The following OTUD7A variants were observed in gnomAD, a reference collection of about 807,000 sequenced individuals.
OTUD7A encodes OTU deubiquitinase 7A, also known as OTU domain-containing protein 7A.
In OTUD7A, 12 loss-of-function variants were observed where a neutral mutation model predicts 65.7. The observed-to-expected ratio is 0.18, with a 90% confidence interval of 0.12 to 0.30. OTUD7A has a LOEUF of 0.30. OTUD7A is among the 10% of genes least tolerant of loss of function. The pLI is 1.00. For missense variants in OTUD7A, 1,148 were observed against 1,304.8 expected (o/e 0.88, Z 1.85); for synonymous variants, 641 against 586.3 (o/e 1.09, Z -1.35).
chr15:31,624,898 C>T, intron 3 of OTUD7A, among the ~76,000 whole-genome samples: 1 of 152,322 alleles, frequency 6.6e-6, no homozygotes, highest in East Asian at 1.9e-4. Flanking sequence ...GGTGGCCACC[C>T]TCCAAGATAG....
intron 1 of OTUD7A, among the ~76,000 whole-genome samples, chr15:31,702,625 T>TA (rs1566980193): frequency 6.6e-6 from 1 of 151,890 alleles, no homozygotes; most frequent in African/African-American, 2.4e-5. Flanking sequence ...TGTAGAAACA[T>TA]ACTGTGTCCA....
intron 3 of OTUD7A, among the ~76,000 whole-genome samples, chr15:31,621,332 C>T (rs1473290197): frequency 6.6e-6 from 1 of 152,150 alleles, no homozygotes; most frequent in Non-Finnish European, 1.5e-5. Context: ...AGTTAACTTT[C>T]TGTTTCGTTG....
chr15:31,551,707 C>T (rs538112844), intron 5 of OTUD7A, among the ~76,000 whole-genome samples: 1 of 152,308 alleles, frequency 6.6e-6, no homozygotes, highest in Non-Finnish European at 1.5e-5. Context: ...GGGATTCTTG[C>T]CCTAAATGTG....
At chr15:31,632,133 A>G (rs8036739) in intron 3 of OTUD7A, among the ~76,000 whole-genome samples, 91,253 of 152,050 alleles carry the variant, frequency 0.6, 29,342 homozygotes, top group East Asian at 0.92. Context: ...TGCTGGTGAG[A>G]AGGTGCGTTC....
At chr15:31,640,980 A>G (rs568803331) in intron 3 of OTUD7A, among the ~76,000 whole-genome samples, 1 of 152,266 alleles carries the variant, frequency 6.6e-6, no homozygotes, top group East Asian at 1.9e-4. Flanking sequence ...ATGAGTTTTA[A>G]TATCAGGTAT....
chr15:31,813,829 A>C (rs79972525), intron 1 of OTUD7A, among the ~76,000 whole-genome samples: 2,370 of 152,286 alleles, frequency 0.016, 65 homozygotes, highest in African/African-American at 0.054. Flanking sequence ...ATCCAGGCCC[A>C]ATTCCTGCCT....
chr15:31,754,808 T>C (rs1188919221), intron 1 of OTUD7A, among the ~76,000 whole-genome samples: 1 of 152,190 alleles, frequency 6.6e-6, no homozygotes, highest in African/African-American at 2.4e-5. Context: ...AGATTTGCAC[T>C]TTTAATATTA....
At chr15:31,840,180 G>A (rs540724870) in intron 1 of OTUD7A, among the ~76,000 whole-genome samples, 40 of 152,234 alleles carry the variant, frequency 2.6e-4, no homozygotes, top group African/African-American at 9.4e-4. Context: ...AGCACCTTGG[G>A]AGGCCAAGGT....
chr15:31,603,404 A>C (rs181654620), intron 3 of OTUD7A, among the ~76,000 whole-genome samples: 2 of 152,330 alleles, frequency 1.3e-5, no homozygotes, highest in East Asian at 3.9e-4. Flanking sequence ...CAGAAAACTG[A>C]AACTGGACCC....
chr15:31,623,913 ACCGATTTGATT>A (rs1407241423), intron 3 of OTUD7A, among the ~76,000 whole-genome samples: 1 of 152,174 alleles, frequency 6.6e-6, no homozygotes, highest in African/African-American at 2.4e-5. Context: ...GAACTGCCCC[ACCGATTTGATT>A]TCAATGATAT....
chr15:31,579,504 G>C (rs1211425407), intron 3 of OTUD7A, among the ~76,000 whole-genome samples: 1 of 152,074 alleles, frequency 6.6e-6, no homozygotes, highest in African/African-American at 2.4e-5. Context: ...GTTCAGCCTG[G>C]ACCCACTGGA....
intron 2 of OTUD7A, among the ~76,000 whole-genome samples, chr15:31,656,452 G>A (rs1891995170): frequency 6.6e-6 from 1 of 152,184 alleles, no homozygotes; most frequent in South Asian, 2.1e-4. Context: ...TTTTGCACCT[G>A]GCTGAGTTGA....
chr15:31,513,029 C>T (rs1324373184), intron 8 of OTUD7A, among the ~76,000 whole-genome samples: 1 of 152,214 alleles, frequency 6.6e-6, no homozygotes, highest in Non-Finnish European at 1.5e-5. Context: ...CCACCATGCC[C>T]AGCTAATTTT....
intron 1 of OTUD7A, among the ~76,000 whole-genome samples, chr15:31,845,986 G>T (rs10152334): frequency 6.6e-6 from 1 of 152,320 alleles, no homozygotes; most frequent in East Asian, 1.9e-4. Flanking sequence ...GGATGCCAGG[G>T]ACTCAGCTGT....
At chr15:31,858,359 C>A (rs1366242349) in intron 1 of OTUD7A, among the ~76,000 whole-genome samples, 1 of 152,132 alleles carries the variant, frequency 6.6e-6, no homozygotes, top group Non-Finnish European at 1.5e-5. Flanking sequence ...GTGTGGCTAG[C>A]ATGGAAGGCT....
intron 1 of OTUD7A, among the ~76,000 whole-genome samples, chr15:31,860,677 G>GTGTGTGTATA (rs560896384): frequency 1.4e-5 from 1 of 73,284 alleles, no homozygotes; most frequent in Non-Finnish European, 2.6e-5. Context: ...ATGTATGTGT[G>GTGTGTGTATA]TATATATATA....
chr15:31,594,337 T>G (rs548176592), intron 3 of OTUD7A, among the ~76,000 whole-genome samples: 1 of 152,338 alleles, frequency 6.6e-6, no homozygotes, highest in African/African-American at 2.4e-5. Flanking sequence ...CCCAAAGACA[T>G]GAGAAATAAA....
chr15:31,827,395 G>A (rs1467339665), intron 1 of OTUD7A, among the ~76,000 whole-genome samples: 1 of 152,194 alleles, frequency 6.6e-6, no homozygotes, highest in African/African-American at 2.4e-5. Context: ...CATGTGAACA[G>A]TATGAGGGAA....
At chr15:31,718,597 A>C (rs1159181530) in intron 1 of OTUD7A, among the ~76,000 whole-genome samples, 1 of 149,228 alleles carries the variant, frequency 6.7e-6, no homozygotes, top group African/African-American at 2.4e-5. Flanking sequence ...TTTTTTCCTG[A>C]AGTGCTAGTT....
Sources: gnomAD v4.1 joint callset for allele counts (sites outside exome capture counted in the v4.1 genomes callset) on GRCh38, gnomAD v4.1.1 for gene constraint, MANE v1.5 for transcripts, NCBI Gene and HGNC (gene_info 2026-07-23, HGNC 2026-07-21) for gene names.